The following PLEKHG4B variants were observed in gnomAD, a reference collection of about 807,000 sequenced individuals.
PLEKHG4B encodes the protein pleckstrin homology domain-containing family G member 4B.
In PLEKHG4B, 111 loss-of-function variants were observed where a neutral mutation model predicts 121.3. The ratio of observed to expected loss-of-function variants is 0.92; its 90% CI spans 0.78 to 1.07. The LOEUF (loss-of-function observed/expected upper bound fraction) is 1.07, where lower values mean the gene tolerates loss of function less well. Ranked by LOEUF, PLEKHG4B falls within the 50% of genes least tolerant of loss-of-function variation. The pLI, the probability that PLEKHG4B is intolerant of heterozygous loss-of-function variation, is 0.00. For synonymous variants in PLEKHG4B, 738 were observed against 725.0 expected (o/e 1.02, Z -0.29); for missense variants, 1,831 against 1,757.8 (o/e 1.04, Z -0.74).
chr5:104,581 AT>A (rs986659172), intron 1 of PLEKHG4B, among the ~76,000 whole-genome samples: 2 of 152,052 alleles, frequency 1.3e-5, no homozygotes, highest in African/African-American at 4.8e-5. Flanking sequence ...AATAAAGCTG[AT>A]TTTTTTTACA....
intron 13 of PLEKHG4B, 86 bp downstream of exon 13, chr5:163,634 G>A (rs979341774): frequency 5.2e-6 from 6 of 1,160,524 alleles, no homozygotes; most frequent in Middle Eastern, 2.6e-4. Context: ...ACTCTCTTCT[G>A]CAAAGTAGAA....
At chr5:150,443 A>AC (rs1735570504) in intron 6 of PLEKHG4B, among the ~76,000 whole-genome samples, 2 of 152,206 alleles carry the variant, frequency 1.3e-5, no homozygotes, top group Non-Finnish European at 2.9e-5. Context: ...TGGTGGTTGC[A>AC]CTACGTTATG....
rs752435399 is a variant in PLEKHG4B at position 156,230 on chromosome 5, A to T, written c.2348+20A>T. On this transcript the variant is annotated intron_variant, in intron 10 of 19. Coordinates refer to ENST00000637938, the MANE Select transcript of PLEKHG4B (RefSeq NM_052909.5). This position sits in a 1 kb window ranked among gnomAD's most constrained non-coding sequence, Gnocchi z 4.4. Reference sequence around the variant, plus strand: ...CAGCCGGTGAGCGCTCACAGGGGTCATGCTGGGCCCTGGCCCATCGAGGGA... The same window carrying T: ...CAGCCGGTGAGCGCTCACAGGGGTCTTGCTGGGCCCTGGCCCATCGAGGGA... 1 of 1,474,238 alleles carries T rather than the reference A, an allele frequency of 6.8e-7. No individual in the cohort carries two copies. Among genetic ancestry groups the T allele is most frequent in the Admixed American group, 2.1e-5 (1 of 46,542 alleles). The allele number at this position is 1,474,238 out of a possible 1,614,324, so 91.3% of individuals were successfully genotyped here.
At chr5:97,701 A>G (rs1733670837) in intron 1 of PLEKHG4B, among the ~76,000 whole-genome samples, 1 of 151,484 alleles carries the variant, frequency 6.6e-6, no homozygotes, top group Admixed American at 6.6e-5. Flanking sequence ...GTTGATGGAC[A>G]TTTGGACTTT....
In PLEKHG4B at chr5:181,611, C is replaced by T. The variant is rs1374164317; in HGVS notation, c.4500C>T (p.Ser1500=). The change falls in exon 19 of 20, where the codon AGC becomes AGT. Residue 1500 remains serine, a synonymous_variant. Transcript: ENST00000637938. ...GGACCCCTGACTGTGCAGTGATAAG[C>T]GACCGGGCTCCCAAATGTGCAGTGA... is the stretch of plus-strand genomic sequence containing the variant. ...RDRTPDCAVI[S]DRAPKCAVMS... is the part of the protein sequence containing the mutation. The T allele has an allele frequency of 5.0e-6, 8 of 1,613,790 alleles. No individual in the cohort carries two copies. Among genetic ancestry groups the T allele is most frequent in the East Asian group, 4.5e-5 (2 of 44,900 alleles).
chr5:108,229 G>A (rs1734033483), intron 1 of PLEKHG4B, among the ~76,000 whole-genome samples: 1 of 152,136 alleles, frequency 6.6e-6, no homozygotes, highest in Non-Finnish European at 1.5e-5. Flanking sequence ...TAGGAACCAG[G>A]GATGATGTGG....
intron 13 of PLEKHG4B, among the ~76,000 whole-genome samples, chr5:164,426 C>T (rs1199532426): frequency 6.6e-6 from 1 of 151,354 alleles, no homozygotes; most frequent in Non-Finnish European, 1.5e-5. Flanking sequence ...GCGGAGTTCA[C>T]CCAGTAATGC....
rs1489273571 is a variant in PLEKHG4B at position 153,549 on chromosome 5, G to A, written c.1993-1326G>A. Among the ~76,000 whole-genome samples, 3 of 152,154 alleles carry A rather than the reference G, an allele frequency of 2.0e-5. 1 individual carries two copies. The highest frequency in any genetic ancestry group is 2.9e-5 in the Non-Finnish European group (2 of 68,036). ...CCTGGGCAGAGTTTACACACATACC[G>A]CGGGGCTTCTTCCACAGCTGCCGCC... On this transcript the variant is annotated intron_variant, in intron 7 of 19. Transcript: ENST00000637938.
At chr5:108,975 C>T (rs1428657783) in intron 1 of PLEKHG4B, among the ~76,000 whole-genome samples, 1 of 152,160 alleles carries the variant, frequency 6.6e-6, no homozygotes, top group African/African-American at 2.4e-5. Context: ...CAGGTGGCAG[C>T]CCAGAGCGAG....
chr5:153,787 G>T (rs947693698), intron 7 of PLEKHG4B, among the ~76,000 whole-genome samples: 1 of 152,158 alleles, frequency 6.6e-6, no homozygotes, highest in African/African-American at 2.4e-5. Context: ...CCCAGGCTTA[G>T]GTGATCCTCC....
In PLEKHG4B at chr5:157,119, G is replaced by T. The variant is rs1560936375; in HGVS notation, c.2487+208G>T. On this transcript the variant is annotated intron_variant, in intron 11 of 19. Coordinates refer to ENST00000637938, the MANE Select transcript of PLEKHG4B (RefSeq NM_052909.5). This position sits in a 1 kb window ranked among gnomAD's most constrained non-coding sequence, Gnocchi z 4.6. ...ACGTGAGAGATACTGGATCAGTGGA[G>T]AAAAAAAATTTGTTTAATCCAGAGG... The T allele has an allele frequency of 5.4e-6, 4 of 744,348 alleles. No homozygotes were observed. The highest frequency in any genetic ancestry group is 8.5e-6 in the Non-Finnish European group (4 of 469,006). 46.1% of individuals were successfully genotyped at this position (744,348 alleles called of 1,614,324 possible).
In PLEKHG4B at chr5:156,321, T is replaced by C. The variant is rs949783641; in HGVS notation, c.2348+111T>C. 6.0e-6 allele frequency: 7 copies of C among 1,165,788 alleles called. No individual in the cohort carries two copies. In the African/African-American group the frequency reaches 1.1e-4, roughly 19 times the overall value. The allele number at this position is 1,165,788 out of a possible 1,614,324, so 72.2% of individuals were successfully genotyped here. A position where few individuals can be genotyped will look rare whatever the true frequency, so the allele number is the denominator to read the frequency against. Reference sequence around the variant, plus strand: ...CTCCAAGGAGAGCCCCCTCTGTGCTTGGTCCAGACCTCCATTCTGACAGCC... The same window carrying C: ...CTCCAAGGAGAGCCCCCTCTGTGCTCGGTCCAGACCTCCATTCTGACAGCC... On this transcript the variant is annotated intron_variant, in intron 10 of 19. Transcript: ENST00000637938. The surrounding 1 kb of genome is among the most constrained non-coding windows in gnomAD (Gnocchi z 4.4).
chr5:174,210 TG>T (rs1736678389), intron 18 of PLEKHG4B, 112 bp downstream of exon 18: 2 of 301,758 alleles, frequency 6.6e-6, no homozygotes, highest in Non-Finnish European at 8.7e-6. Flanking sequence ...GCCAGGGGGC[TG>T]GGGGCCAGGG....
chr5:127,337 G>GTTT (rs1553983968), intron 2 of PLEKHG4B, among the ~76,000 whole-genome samples: 32 of 75,828 alleles, frequency 4.2e-4, no homozygotes, highest in African/African-American at 1.6e-3. Context: ...CTTATTGTTG[G>GTTT]TTTTTATTAT....
At chr5:148,036 A>G (rs1258594795) in intron 6 of PLEKHG4B, among the ~76,000 whole-genome samples, 10 of 152,186 alleles carry the variant, frequency 6.6e-5, no homozygotes, top group Admixed American at 5.9e-4. Context: ...AACATCTTTC[A>G]TGATGAAAGC....
At position 174,073 on chromosome 5, in the gene PLEKHG4B, G is replaced by A. The variant is rs1463907883; in HGVS notation, c.4377G>A (p.Leu1459=). The A allele has an allele frequency of 3.8e-6, 6 of 1,587,842 alleles. No individual in the cohort carries two copies. In the Admixed American group the frequency reaches 5.5e-5, roughly 15 times the overall value. The stretch of plus-strand genomic sequence containing the variant: ...GGACCGATGTCATAGGGAGGATCCT[G>A]TGGCGGCAGGCACTAAAGAGCAGAG... ...SAWTDVIGRI[L]WRQALKSREL... Residue 1459 remains leucine, a synonymous_variant, in exon 18 of 20, where the codon CTG becomes CTA. Coordinates refer to ENST00000637938, the MANE Select transcript of PLEKHG4B (RefSeq NM_052909.5).
At chr5:148,997 T>C (rs1206722716) in intron 6 of PLEKHG4B, among the ~76,000 whole-genome samples, 1 of 152,202 alleles carries the variant, frequency 6.6e-6, no homozygotes, top group African/African-American at 2.4e-5. Flanking sequence ...CAAATGGTGC[T>C]TAAAAAACTA....
rs774656731 is a variant in PLEKHG4B at position 105,981 on chromosome 5, T to C, written c.46-7270T>C. ...CAATTTCCCTAATTGGACGCAATGGTAGAAAAGTTAGATTTGGTATAATTA... is the reference window on the plus strand; with the variant it reads ...CAATTTCCCTAATTGGACGCAATGGCAGAAAAGTTAGATTTGGTATAATTA... On this transcript the variant is annotated intron_variant, in intron 1 of 19. Transcript: ENST00000637938. Among the ~76,000 whole-genome samples, 38 of 152,206 alleles carry C rather than the reference T, an allele frequency of 2.5e-4. 1 individual carries two copies. The highest frequency in any genetic ancestry group is 5.8e-4 in the African/African-American group (24 of 41,430).
chr5:118,474 A>G (rs1734370111), intron 2 of PLEKHG4B, among the ~76,000 whole-genome samples: 1 of 152,208 alleles, frequency 6.6e-6, no homozygotes, highest in Non-Finnish European at 1.5e-5. Context: ...ATTCTTGTCC[A>G]TTTAGAAACA....
Sources: allele counts gnomAD v4.1 joint callset (sites outside exome capture counted in the v4.1 genomes callset), GRCh38; gene constraint gnomAD v4.1.1; non-coding constraint Gnocchi (gnomAD v3.1); transcripts MANE v1.5; gene names NCBI Gene and HGNC (gene_info 2026-07-23, HGNC 2026-07-21).